CDK13: variants seen among roughly 807,000 people sequenced by gnomAD.
The protein encoded by CDK13 is cyclin dependent kinase 13.
A neutral mutation model predicts 137.6 loss-of-function variants in CDK13; 40 were observed. The observed-to-expected ratio is 0.29, with a 90% CI of 0.23 to 0.38. The LOEUF is 0.38. CDK13 is among the 10% of genes least tolerant of loss of function. The pLI is 1.00. For synonymous variants in CDK13, 869 were observed against 760.1 expected, an observed-to-expected ratio of 1.14 and a Z score of -2.36; for missense variants, 1,704 against 1,951.8, an observed-to-expected ratio of 0.87 and a Z score of 2.39.
At chr7:40,050,862 C>T (rs1305592086) in intron 7 of CDK13, among the ~76,000 whole-genome samples, 1 of 152,130 alleles carries the variant, frequency 6.6e-6, no homozygotes, top group Admixed American at 6.5e-5. Flanking sequence ...GAATGGAAAA[C>T]AGCTAATTAC....
intron 1 of CDK13, among the ~76,000 whole-genome samples, chr7:39,974,573 T>A (rs1784067090): frequency 6.6e-6 from 1 of 151,646 alleles, no homozygotes; most frequent in Non-Finnish European, 1.5e-5. Flanking sequence ...TTTTTTTTTT[T>A]TTGTTTTTTG....
Position 39,976,323 on chromosome 7 carries a change from T to TCTCTCACACACACACACA in CDK13, c.1212-11275_1212-11274insTCTCACACACACACACAC. Among the ~76,000 whole-genome samples the TCTCTCACACACACACACA allele has an allele frequency of 3.3e-3, 132 of 39,562 alleles. 1 individual carries two copies. The highest frequency in any genetic ancestry group is 5.6e-3 in the Non-Finnish European group (96 of 17,106). 26.0% of individuals were successfully genotyped at this position (39,562 alleles called of 152,430 possible). On this transcript the variant is annotated intron_variant, in intron 1 of 13. Coordinates refer to ENST00000181839, the MANE Select transcript of CDK13 (RefSeq NM_003718.5). ...CTCTCTCTCTCTCTCTCTCTCTCTC[T>TCTCTCACACACACACACA]CACACACACACACACACACACACAC...
At chr7:39,977,042 G>A (rs373991498) in intron 1 of CDK13, among the ~76,000 whole-genome samples, 236 of 152,272 alleles carry the variant, frequency 1.5e-3, no homozygotes, top group African/African-American at 5.6e-3. Context: ...CAGATAAAAT[G>A]CTATGGGAGT....
chr7:39,987,492 T>G (rs543189490), intron 1 of CDK13, 107 bp from the exon 2 acceptor site: 1 of 941,602 alleles, frequency 1.1e-6, no homozygotes, highest in South Asian at 2.5e-5. Flanking sequence ...ACTTTGAAAT[T>G]AAGTAAATTT....
Position 39,950,280 on chromosome 7 carries a change from C to G in CDK13, c.-362C>G, listed in dbSNP as rs1412952658. The G allele has an allele frequency of 3.8e-6, 4 of 1,064,784 alleles. No individual in the cohort carries two copies. Among genetic ancestry groups the G allele is most frequent in the East Asian group, 1.2e-4 (2 of 16,144 alleles). The allele number at this position is 1,064,784 out of a possible 1,614,324, so 66.0% of individuals were successfully genotyped here. Reference sequence around the variant, plus strand: ...TACTTCCGCGTTGCGCTGCCCGAGCCGAGAGCGCGGCCAAGGCCGCTCCCC... The same window carrying G: ...TACTTCCGCGTTGCGCTGCCCGAGCGGAGAGCGCGGCCAAGGCCGCTCCCC... On this transcript the variant is annotated 5_prime_UTR_variant, in exon 1 of 14. Coordinates refer to ENST00000181839, the MANE Select transcript of CDK13 (RefSeq NM_003718.5).
Position 39,976,321 on chromosome 7 carries a change from T to TCACACACACA in CDK13, c.1212-11277_1212-11276insACACACACAC, listed in dbSNP as rs1248415358. ...CTCTCTCTCTCTCTCTCTCTCTCTC[T>TCACACACACA]CTCACACACACACACACACACACAC... On this transcript the variant is annotated intron_variant, in intron 1 of 13. Transcript: ENST00000181839. Among the ~76,000 whole-genome samples, 20 of 36,012 alleles carry TCACACACACA rather than the reference T, an allele frequency of 5.6e-4. 1 individual carries two copies. The highest frequency in any genetic ancestry group is 6.9e-4 in the African/African-American group (11 of 15,878). 23.6% of individuals were successfully genotyped at this position (36,012 alleles called of 152,430 possible). A position where few individuals can be genotyped will look rare whatever the true frequency, so the allele number is the denominator to read the frequency against.
Position 40,039,631 on chromosome 7 carries a change from C to T in CDK13, c.2354-6205C>T, listed in dbSNP as rs368661730. On this transcript the variant is annotated intron_variant, in intron 5 of 13. Coordinates refer to ENST00000181839, the MANE Select transcript of CDK13 (RefSeq NM_003718.5). ...ATTTTTAGTAGAGAGAGAGTTTCAC[C>T]ATGTTGGCCAGGCTGGTCTCGAACT... is the stretch of plus-strand genomic sequence containing the variant. Among the ~76,000 whole-genome samples, 78 of 151,868 alleles carry T rather than the reference C, an allele frequency of 5.1e-4. 1 individual carries two copies. The South Asian group carries it at 8.7e-3, about 17-fold the overall frequency.
intron 1 of CDK13, among the ~76,000 whole-genome samples, chr7:39,976,241 C>T (rs1229066082): frequency 6.7e-6 from 1 of 149,496 alleles, no homozygotes; most frequent in African/African-American, 2.5e-5. Flanking sequence ...TGCAGTGAGC[C>T]GAGATCATGC....
At position 40,098,206 on chromosome 7, in the gene CDK13, G is replaced by A. The variant is rs1446047708; in HGVS notation, c.*3226G>A. ...GTGATAAAATTTTAAGTTGAATCTG[G>A]TCAGTTTGCAATGGCCTATTTGTAA... On this transcript the variant is annotated 3_prime_UTR_variant, in exon 14 of 14. Coordinates refer to ENST00000181839, the MANE Select transcript of CDK13 (RefSeq NM_003718.5). The A allele has an allele frequency of 2.0e-5, 3 of 152,000 alleles. No individual in the cohort carries two copies. Among genetic ancestry groups the A allele is most frequent in the African/African-American group, 7.2e-5 (3 of 41,404 alleles). The allele number at this position is 152,000 out of a possible 1,614,324, so 9.4% of individuals were successfully genotyped here.
In CDK13 at chr7:40,049,378, A is replaced by G. The variant is rs546593596; in HGVS notation, c.2600+1501A>G. Among the ~76,000 whole-genome samples, 19 of 148,278 alleles carry G rather than the reference A, an allele frequency of 1.3e-4. No individual in the cohort carries two copies. In the East Asian group the frequency reaches 2.7e-3, roughly 21 times the overall value. On this transcript the variant is annotated intron_variant, in intron 7 of 13. Coordinates refer to ENST00000181839, the MANE Select transcript of CDK13 (RefSeq NM_003718.5). ...TTTAACTACTACACTTAAAATTAAC[A>G]TTTTATTTTAGGAAAGGGTTGTATG...
At chr7:40,018,730 G>A (rs560782288) in intron 5 of CDK13, among the ~76,000 whole-genome samples, 1 of 152,220 alleles carries the variant, frequency 6.6e-6, no homozygotes, top group East Asian at 1.9e-4. Context: ...CATTCAAAGT[G>A]GTATAAAGGA....
intron 9 of CDK13, among the ~76,000 whole-genome samples, chr7:40,068,295 A>G (rs955911316): frequency 2.0e-5 from 3 of 150,232 alleles, no homozygotes; most frequent in African/African-American, 7.3e-5. Flanking sequence ...AGTAATAAAG[A>G]CTCTGAGGCA....
intron 5 of CDK13, among the ~76,000 whole-genome samples, chr7:40,042,823 A>C (rs1392701957): frequency 1.4e-5 from 2 of 147,154 alleles, no homozygotes; most frequent in African/African-American, 2.5e-5. Context: ...TCCTTCTGTC[A>C]CCCAGGCTGG....
Position 40,047,739 on chromosome 7 carries a change from G to A in CDK13, c.2544-82G>A. 4 of 933,726 alleles carry A rather than the reference G, an allele frequency of 4.3e-6. No homozygotes were observed. The East Asian group carries it at 7.3e-5, about 17-fold the overall frequency. 57.8% of individuals were successfully genotyped at this position (933,726 alleles called of 1,614,324 possible). A position where few individuals can be genotyped will look rare whatever the true frequency, so the allele number is the denominator to read the frequency against. Reference sequence around the variant, plus strand: ...TACATAGGTTTTTTTTTTTTAATCAGTTCTAGGCATAGAATATAAATGTGT... The same window carrying A: ...TACATAGGTTTTTTTTTTTTAATCAATTCTAGGCATAGAATATAAATGTGT... On this transcript the variant is annotated intron_variant, in intron 6 of 13. Coordinates refer to ENST00000181839, the MANE Select transcript of CDK13 (RefSeq NM_003718.5).
rs180910129 is a variant in CDK13, at chr7:39,999,414, A to G, written c.2096A>G (p.Lys699Arg). 2.5e-6 allele frequency: 4 copies of G among 1,613,370 alleles called. No homozygotes were observed. The highest frequency in any genetic ancestry group is 2.2e-5 in the East Asian group (1 of 44,822). ...ETKEKDIDWGKRCVDKFDIIG... is the reference protein window; with the variant it reads ...ETKEKDIDWGRRCVDKFDIIG... Reference sequence around the variant, plus strand: ...AAAGAAAAAGATATTGACTGGGGAAAACGCTGCGTGGATAAATTTGATATC... The same window carrying G: ...AAAGAAAAAGATATTGACTGGGGAAGACGCTGCGTGGATAAATTTGATATC... Residue 699 changes from lysine (K) to arginine (R), a missense_variant, in exon 4 of 14, where the codon AAA becomes AGA. Lys to Arg is a conservative substitution (Grantham distance 26). Around this residue, in one of 5 missense-constraint regions of CDK13, gnomAD observed 130 missense variants for 362.4 expected, o/e 0.36. Transcript: ENST00000181839.
chr7:40,093,190 C>G lies in CDK13; in HGVS notation c.3641C>G (p.Ala1214Gly). The G allele has an allele frequency of 6.2e-7, 1 of 1,613,896 alleles. No individual in the cohort carries two copies. The highest frequency in any genetic ancestry group is 8.5e-7 in the Non-Finnish European group (1 of 1,179,992). Residue 1214 changes from alanine to glycine, a missense_variant, in exon 13 of 14, where the codon GCG (alanine) becomes GGG (glycine). By Grantham distance (60) the Ala-to-Gly change is moderately conservative (BLOSUM62 0). Transcript: ENST00000181839. ...AGGGAAAATGGATCGGGACATGAAG[C>G]GTCATTACAACTCAGGCCACCTCCA... is the stretch of plus-strand genomic sequence containing the variant. ...EERENGSGHE[A>G]SLQLRPPPEP...
chr7:40,044,782 A>G (rs1785698702), intron 5 of CDK13, among the ~76,000 whole-genome samples: 1 of 152,080 alleles, frequency 6.6e-6, no homozygotes. Flanking sequence ...AACTACAGGC[A>G]TCCACCACCA....
At chr7:39,955,262 T>C (rs1787373555) in intron 1 of CDK13, among the ~76,000 whole-genome samples, 2 of 152,170 alleles carry the variant, frequency 1.3e-5, no homozygotes, top group Admixed American at 1.3e-4. Flanking sequence ...ATCCATGTGA[T>C]AGTTGGAAAC....
intron 9 of CDK13, chr7:40,070,764 T>G (rs1432372345): frequency 6.6e-6 from 1 of 151,980 alleles, no homozygotes; most frequent in Non-Finnish European, 1.5e-5. Flanking sequence ...AAAACACACA[T>G]TGGGACAAAA....
Sources: gnomAD v4.1 joint callset for allele counts (sites outside exome capture counted in the v4.1 genomes callset) on GRCh38, gnomAD v4.1.1 for gene constraint, gnomAD v4.1.1 regional missense constraint, MANE v1.5 for transcripts, NCBI Gene and HGNC (gene_info 2026-07-23, HGNC 2026-07-21) for gene names.